Variants in PTPRE observed in about 807,000 individuals in gnomAD.
PTPRE encodes receptor-type tyrosine-protein phosphatase epsilon.
Under a neutral mutation model 102.0 loss-of-function variants are expected in PTPRE, and 51 were observed. The observed-to-expected ratio is 0.50, with a 90% CI of 0.40 to 0.63. PTPRE has a LOEUF of 0.63. PTPRE is among the 30% of genes least tolerant of loss of function. PTPRE has a pLI of 0.00. For missense variants in PTPRE, 752 were observed against 915.1 expected (o/e 0.82, Z 2.30); for synonymous variants, 345 against 348.2 (o/e 0.99, Z 0.10).
At chr10:127,916,358 TCACTGTGCA>T (rs1323086440) in intron 1 of PTPRE, among the ~76,000 whole-genome samples, 36 of 152,276 alleles carry the variant, frequency 2.4e-4, no homozygotes, top group African/African-American at 8.4e-4. Context: ...ACTGTGCACT[TCACTGTGCA>T]CTTCTCCTTC....
rs1848443186 is a variant in PTPRE at position 127,944,090 on chromosome 10, A to C, written c.-31+36781A>C. Among the ~76,000 whole-genome samples the C allele has an allele frequency of 6.6e-6, 1 of 152,220 alleles. No homozygotes were observed. The highest frequency in any genetic ancestry group is 1.5e-5 in the Non-Finnish European group (1 of 68,040). The stretch of plus-strand genomic sequence containing the variant: ...AGGGATGTGAGTCAGCCAATGGCCA[A>C]GCTTTGACTTTCGGCCAGGGTGGAG... On this transcript the variant is annotated intron_variant, in intron 1 of 20. Transcript: ENST00000254667. The surrounding 1 kb of genome is among the most constrained non-coding windows in gnomAD (Gnocchi z 4.2).
At chr10:127,969,063 T>C (rs541762212) in intron 1 of PTPRE, among the ~76,000 whole-genome samples, 1 of 152,342 alleles carries the variant, frequency 6.6e-6, no homozygotes, top group African/African-American at 2.4e-5. Context: ...CCCCAAAAGA[T>C]GGAGAATTCC....
intron 1 of PTPRE, among the ~76,000 whole-genome samples, chr10:127,971,945 C>T (rs979826049): frequency 1.3e-5 from 2 of 152,212 alleles, no homozygotes; most frequent in South Asian, 2.1e-4. Flanking sequence ...GGAGCTTTTA[C>T]CTTTTCAGAG....
At chr10:128,051,137 C>G (rs573137132) in intron 6 of PTPRE, among the ~76,000 whole-genome samples, 5 of 152,206 alleles carry the variant, frequency 3.3e-5, no homozygotes, top group African/African-American at 1.2e-4. Flanking sequence ...ATCCCCTCCC[C>G]CACCCTTCTC....
chr10:127,953,731 T>C (rs1012421970), intron 1 of PTPRE, among the ~76,000 whole-genome samples: 1 of 152,228 alleles, frequency 6.6e-6, no homozygotes, highest in African/African-American at 2.4e-5. Flanking sequence ...CTGCATGATA[T>C]GTAGGCACCA....
At chr10:127,941,418 G>A (rs1848235383) in intron 1 of PTPRE, among the ~76,000 whole-genome samples, 1 of 152,184 alleles carries the variant, frequency 6.6e-6, no homozygotes, top group African/African-American at 2.4e-5. Context: ...ATGAGCCAGG[G>A]GAGCCAGGTG....
intron 1 of PTPRE, among the ~76,000 whole-genome samples, chr10:127,930,161 G>A (rs76830896): frequency 0.016 from 2,422 of 150,388 alleles, 45 homozygotes; most frequent in Non-Finnish European, 0.02. Flanking sequence ...TCATTTTGGC[G>A]TACAGCTCCA....
In PTPRE at chr10:127,944,609, G is replaced by A. The variant is rs1040835020; in HGVS notation, c.-31+37300G>A. On this transcript the variant is annotated intron_variant, in intron 1 of 20. Transcript: ENST00000254667. This position sits in a 1 kb window ranked among gnomAD's most constrained non-coding sequence, Gnocchi z 4.2. ...GTTAGTGAGGTTAGAAAAGTAGGCA[G>A]AAACTGGATCATGAAGGCCCTATAA... 2.2e-4 allele frequency among the ~76,000 whole-genome samples: 34 copies of A among 152,088 alleles called. No individual in the cohort carries two copies. Among genetic ancestry groups the A allele is most frequent in the African/African-American group, 8.2e-4 (34 of 41,410 alleles).
At chr10:127,939,784 AGGCAGATGTG>A (rs1381576789) in intron 1 of PTPRE, among the ~76,000 whole-genome samples, 3 of 151,716 alleles carry the variant, frequency 2.0e-5, no homozygotes, top group African/African-American at 7.3e-5. Flanking sequence ...GGGCAGGTGC[AGGCAGATGTG>A]GGCAGGTGGA....
intron 1 of PTPRE, among the ~76,000 whole-genome samples, chr10:127,911,716 C>T (rs780196821): frequency 2.4e-4 from 36 of 152,212 alleles, no homozygotes; most frequent in Non-Finnish European, 4.1e-4. Context: ...TGTTTCTTGG[C>T]TCAGCATTTG....
rs1850719295 is a variant in PTPRE at position 128,070,987 on chromosome 10, AC to A, written c.1387+90del. On this transcript the variant is annotated intron_variant, in intron 15 of 20. Coordinates refer to ENST00000254667, the MANE Select transcript of PTPRE (RefSeq NM_006504.6). This position sits in a 1 kb window ranked among gnomAD's most constrained non-coding sequence, Gnocchi z 4.8. ...ATCCTGGAGAAGCCATTGACCGCTT[AC>A]CCCTGTGCACCAGGGTCAAAAGCAG... The A allele has an allele frequency of 7.6e-7, 1 of 1,313,408 alleles. No homozygotes were observed. The allele number at this position is 1,313,408 out of a possible 1,614,324, so 81.4% of individuals were successfully genotyped here.
intron 6 of PTPRE, among the ~76,000 whole-genome samples, chr10:128,054,548 G>A (rs61875294): frequency 7.2e-5 from 11 of 151,876 alleles, no homozygotes; most frequent in African/African-American, 2.7e-4. Flanking sequence ...CCACAGTGCC[G>A]CCAGACAGGT....
intron 2 of PTPRE, among the ~76,000 whole-genome samples, chr10:128,003,630 G>A (rs1252160819): frequency 1.3e-5 from 2 of 152,148 alleles, no homozygotes; most frequent in Admixed American, 6.5e-5. Context: ...CAGTTCACGC[G>A]CGGACATCAG....
In PTPRE at chr10:127,959,461, TG is replaced by T. The variant is rs58243168; in HGVS notation, c.-30-22812del. 1.6e-3 allele frequency among the ~76,000 whole-genome samples: 238 copies of T among 145,550 alleles called. 5 individuals are homozygous for T. In the East Asian group the frequency reaches 0.045, roughly 28 times the overall value. On this transcript the variant is annotated intron_variant, in intron 1 of 20. Transcript: ENST00000254667. ...TGGGCATTTTCTTGAATTACTTTTT[TG>T]TGGTTGTTTTTAATGTGTAAATATA... is the stretch of plus-strand genomic sequence containing the variant.
rs117640757 is a variant in PTPRE, at chr10:128,078,858, C to T, written c.1893-702C>T. Among the ~76,000 whole-genome samples, 860 of 152,334 alleles carry T rather than the reference C, an allele frequency of 5.6e-3. 5 individuals are homozygous for T. The highest frequency in any genetic ancestry group is 0.019 in the African/African-American group (774 of 41,588). On this transcript the variant is annotated intron_variant, in intron 19 of 20. Coordinates refer to ENST00000254667, the MANE Select transcript of PTPRE (RefSeq NM_006504.6). ...GGACAGGAGCCTTGGAATAAGCCCA[C>T]ATGTGAGATTATGGAGCACAGAGGG... is the stretch of plus-strand genomic sequence containing the variant.
In PTPRE at chr10:128,008,336, G is replaced by A. The variant is rs1844684139; in HGVS notation, c.-8+26040G>A. 6.7e-6 allele frequency among the ~76,000 whole-genome samples: 1 copy of A among 150,236 alleles called. No individual in the cohort carries two copies. The highest frequency in any genetic ancestry group is 2.1e-4 in the South Asian group (1 of 4,756). The stretch of plus-strand genomic sequence containing the variant: ...CACACTGCACCTCTGGCCTCCTCCT[G>A]GAGCTTCTGGAAGGTGAGATAAAGT... On this transcript the variant is annotated intron_variant, in intron 2 of 20. Transcript: ENST00000254667. This position sits in a 1 kb window ranked among gnomAD's most constrained non-coding sequence, Gnocchi z 4.0.
chr10:127,922,487 G>A (rs889342429), intron 1 of PTPRE, among the ~76,000 whole-genome samples: 3 of 152,240 alleles, frequency 2.0e-5, no homozygotes, highest in African/African-American at 7.2e-5. Context: ...GTGTGGGATT[G>A]AGAAGGCCTC....
At chr10:128,033,975 A>G (rs894013234) in intron 2 of PTPRE, among the ~76,000 whole-genome samples, 1 of 152,228 alleles carries the variant, frequency 6.6e-6, no homozygotes, top group African/African-American at 2.4e-5. Flanking sequence ...TCCAAATTGG[A>G]CATCTCATCA....
intron 1 of PTPRE, among the ~76,000 whole-genome samples, chr10:127,922,037 T>C (rs1846644268): frequency 6.6e-6 from 1 of 152,308 alleles, no homozygotes; most frequent in South Asian, 2.1e-4. Flanking sequence ...CCATGACAAG[T>C]TGTTAGTGAA....
Sources: gnomAD v4.1 joint callset for allele counts (sites outside exome capture counted in the v4.1 genomes callset) on GRCh38, gnomAD v4.1.1 for gene constraint, Gnocchi (gnomAD v3.1) non-coding constraint, MANE v1.5 for transcripts, NCBI Gene and HGNC (gene_info 2026-07-23, HGNC 2026-07-21) for gene names.